CLPB: variants seen among roughly 807,000 people sequenced by gnomAD.
The protein encoded by CLPB is ClpB family mitochondrial disaggregase.
CLPB carries 40 observed loss-of-function variants against 78.4 expected under a neutral mutation model. That is an observed-to-expected ratio of 0.51 (90% CI 0.40 to 0.66). CLPB has a LOEUF of 0.66. Among genes scored for constraint, CLPB ranks in the 30% least tolerant of loss-of-function variants. The pLI is 0.00. For synonymous variants in CLPB, 333 were observed against 348.0 expected (o/e 0.96, Z 0.48); for missense variants, 780 against 886.9 (o/e 0.88, Z 1.53).
intron 4 of CLPB, among the ~76,000 whole-genome samples, chr11:72,362,087 T>G (rs550912287): frequency 2.0e-4 from 31 of 152,368 alleles, no homozygotes; most frequent in African/African-American, 6.7e-4. Context: ...ACCTTTCTAA[T>G]GCTCTTTCTT....
At chr11:72,426,769 G>A (rs190476766) in intron 2 of CLPB, among the ~76,000 whole-genome samples, 2 of 152,334 alleles carry the variant, frequency 1.3e-5, no homozygotes, top group East Asian at 1.9e-4. Context: ...TTCAGGAGGT[G>A]CACAATCCAG....
chr11:72,303,295 G>T lies in CLPB; in HGVS notation c.1123-947C>A, dbSNP rs1220588097. Among the ~76,000 whole-genome samples, 3 of 152,332 alleles carry T rather than the reference G, an allele frequency of 2.0e-5. No individual in the cohort carries two copies. The East Asian group carries it at 5.8e-4, about 29-fold the overall frequency. On this transcript the variant is annotated intron_variant, in intron 9 of 15. Coordinates refer to ENST00000538039, the MANE Select transcript of CLPB (RefSeq NM_001258392.3). ...CTCCTGAGAGCCGGTGATGATGGGG[G>T]TGCCAAGATTCTCAGCGGGAGGTAG...
intron 5 of CLPB, among the ~76,000 whole-genome samples, chr11:72,344,051 G>A (rs1950467326): frequency 6.6e-6 from 1 of 152,152 alleles, no homozygotes; most frequent in Non-Finnish European, 1.5e-5. Context: ...GATCAGGAGA[G>A]TCTTCCTTCA....
chr11:72,309,898 T>C (rs1166181459), intron 7 of CLPB, among the ~76,000 whole-genome samples: 1 of 152,068 alleles, frequency 6.6e-6, no homozygotes, highest in African/African-American at 2.4e-5. Context: ...TTGACAGTGT[T>C]TGGGATGTGT....
chr11:72,395,146 C>G (rs1429662208), intron 3 of CLPB, among the ~76,000 whole-genome samples: 3 of 152,226 alleles, frequency 2.0e-5, no homozygotes, highest in Admixed American at 1.3e-4. Context: ...ATGTGTTCTT[C>G]TCTGTGGCAC....
At chr11:72,339,655 A>C (rs1311300853) in intron 5 of CLPB, among the ~76,000 whole-genome samples, 1 of 152,160 alleles carries the variant, frequency 6.6e-6, no homozygotes, top group African/African-American at 2.4e-5. Flanking sequence ...TGTGTTTGGC[A>C]CCATGGTAAG....
intron 2 of CLPB, among the ~76,000 whole-genome samples, chr11:72,429,590 T>TG (rs1313108669): frequency 6.6e-6 from 1 of 152,172 alleles, no homozygotes; most frequent in Admixed American, 6.5e-5. Context: ...TTAGGCCCAG[T>TG]GGGGGGCATA....
chr11:72,407,573 C>T (rs1855745329), intron 2 of CLPB, among the ~76,000 whole-genome samples: 1 of 152,292 alleles, frequency 6.6e-6, no homozygotes, highest in Non-Finnish European at 1.5e-5. Flanking sequence ...CTTCTCTAAA[C>T]CTGCTATCAT....
chr11:72,389,838 A>T (rs1420165432), intron 3 of CLPB, among the ~76,000 whole-genome samples: 1 of 152,094 alleles, frequency 6.6e-6, no homozygotes, highest in Non-Finnish European at 1.5e-5. Flanking sequence ...GCTTGAGCTC[A>T]GGAGGTCGAG....
chr11:72,359,903 T>C (rs1465324071), intron 4 of CLPB, among the ~76,000 whole-genome samples: 1 of 152,212 alleles, frequency 6.6e-6, no homozygotes, highest in Non-Finnish European at 1.5e-5. Flanking sequence ...TGATATAAAA[T>C]AACATAAAAC....
chr11:72,371,299 G>A (rs1188557224), intron 4 of CLPB, among the ~76,000 whole-genome samples: 2 of 152,030 alleles, frequency 1.3e-5, no homozygotes, highest in Non-Finnish European at 2.9e-5. Context: ...GGAGGCCAAG[G>A]TGGGCAGATT....
chr11:72,371,260 G>A (rs1951036488), intron 4 of CLPB, among the ~76,000 whole-genome samples: 1 of 151,952 alleles, frequency 6.6e-6, no homozygotes, highest in Admixed American at 6.6e-5. Flanking sequence ...GGCAGGGCGT[G>A]GTGGCTCATT....
chr11:72,422,179 T>C (rs1001943210), intron 2 of CLPB, among the ~76,000 whole-genome samples: 3 of 140,908 alleles, frequency 2.1e-5, no homozygotes, highest in Middle Eastern at 4.2e-3. Flanking sequence ...GGCAGGAGAA[T>C]GGCGTGAACC....
chr11:72,349,294 C>T (rs190253087), intron 5 of CLPB, among the ~76,000 whole-genome samples: 14 of 152,330 alleles, frequency 9.2e-5, no homozygotes, highest in African/African-American at 3.4e-4. Flanking sequence ...ACCACACAGG[C>T]TTCTATTACT....
At chr11:72,382,860 A>G (rs1457357090) in intron 3 of CLPB, among the ~76,000 whole-genome samples, 1 of 152,180 alleles carries the variant, frequency 6.6e-6, no homozygotes, top group Non-Finnish European at 1.5e-5. Context: ...TCAGTAACCA[A>G]CCCTAAAGAA....
chr11:72,320,303 TA>T (rs1365567048), intron 6 of CLPB, among the ~76,000 whole-genome samples: 29 of 152,244 alleles, frequency 1.9e-4, no homozygotes, highest in African/African-American at 7.0e-4. Flanking sequence ...GAAACACTTC[TA>T]CTTCCTGTAA....
intron 2 of CLPB, among the ~76,000 whole-genome samples, chr11:72,410,060 C>T (rs1488631033): frequency 1.3e-5 from 2 of 151,908 alleles, no homozygotes; most frequent in South Asian, 2.1e-4. Flanking sequence ...AAAACCCCAT[C>T]TCTATTAAAA....
At chr11:72,387,279 C>T (rs1402834415) in intron 3 of CLPB, among the ~76,000 whole-genome samples, 1 of 152,128 alleles carries the variant, frequency 6.6e-6, no homozygotes, top group Non-Finnish European at 1.5e-5. Flanking sequence ...CATTTTGTGG[C>T]CTCATAATAA....
chr11:72,351,014 T>C (rs1950604915), intron 5 of CLPB, among the ~76,000 whole-genome samples: 1 of 152,224 alleles, frequency 6.6e-6, no homozygotes, highest in Non-Finnish European at 1.5e-5. Context: ...CTCCCCCAGA[T>C]AACTGCTAAC....
Sources: gnomAD v4.1 joint callset for allele counts (sites outside exome capture counted in the v4.1 genomes callset) on GRCh38, gnomAD v4.1.1 for gene constraint, MANE v1.5 for transcripts, NCBI Gene and HGNC (gene_info 2026-07-23, HGNC 2026-07-21) for gene names.